Variants in RYK observed in about 807,000 individuals in gnomAD.
RYK encodes inactive tyrosine-protein kinase RYK.
RYK carries 21 observed loss-of-function variants against 70.2 expected under a neutral mutation model. The ratio of observed to expected loss-of-function variants is 0.30; its 90% CI spans 0.21 to 0.43. RYK has a LOEUF of 0.43. Ranked by LOEUF, RYK falls within the 20% of genes least tolerant of loss-of-function variation. The pLI is 1.00. For synonymous variants in RYK, 267 were observed against 278.0 expected, an observed-to-expected ratio of 0.96 and a Z score of 0.39; for missense variants, 604 against 753.3, an observed-to-expected ratio of 0.80 and a Z score of 2.32.
intron 8 of RYK, among the ~76,000 whole-genome samples, chr3:134,190,966 C>G (rs557426303): frequency 2.0e-4 from 31 of 152,230 alleles, no homozygotes; most frequent in South Asian, 8.3e-4. Context: ...TTAAGACATA[C>G]CAGAAAATCT....
chr3:134,234,041 T>C (rs1473297454), intron 1 of RYK, among the ~76,000 whole-genome samples: 1 of 152,142 alleles, frequency 6.6e-6, no homozygotes, highest in East Asian at 1.9e-4. Context: ...TGAATATAAA[T>C]AGTGGATTAT....
intron 9 of RYK, among the ~76,000 whole-genome samples, chr3:134,187,646 C>A (rs932465291): frequency 2.6e-5 from 4 of 152,038 alleles, no homozygotes; most frequent in East Asian, 3.9e-4. Flanking sequence ...CCTTGAATTC[C>A]TGGGCTCAAG....
intron 13 of RYK, among the ~76,000 whole-genome samples, chr3:134,161,421 T>C (rs1158098308): frequency 6.6e-6 from 1 of 152,168 alleles, no homozygotes; most frequent in Non-Finnish European, 1.5e-5. Flanking sequence ...CACTAGATGA[T>C]AGTAGCACAT....
intron 2 of RYK, among the ~76,000 whole-genome samples, chr3:134,221,196 CTTTTTTTTTTTTTTTTT>C (rs71139519): frequency 2.5e-5 from 2 of 78,562 alleles, no homozygotes; most frequent in Non-Finnish European, 4.6e-5. Flanking sequence ...AGTTCTTTTT[CTTTTTTTTTTTTTTTTT>C]TTTTTTTTTG....
At chr3:134,210,034 T>C (rs1560017670) in intron 3 of RYK, among the ~76,000 whole-genome samples, 2 of 152,350 alleles carry the variant, frequency 1.3e-5, no homozygotes, top group African/African-American at 4.8e-5. Context: ...TAATTCATTA[T>C]GGATATAAAA....
At chr3:134,172,509 T>C (rs1157010032) in intron 13 of RYK, among the ~76,000 whole-genome samples, 1 of 152,146 alleles carries the variant, frequency 6.6e-6, no homozygotes, top group African/African-American at 2.4e-5. Flanking sequence ...CCAAAAACAT[T>C]ATCAAAGAGT....
At position 134,250,537 on chromosome 3, in the gene RYK, G is replaced by C. The variant is rs775525703; in HGVS notation, c.118C>G (p.Pro40Ala). 72 of 1,167,194 alleles carry C rather than the reference G, an allele frequency of 6.2e-5. No individual in the cohort carries two copies. In the South Asian group the frequency reaches 2.4e-3, roughly 39 times the overall value. The allele number at this position is 1,167,194 out of a possible 1,614,324, so 72.3% of individuals were successfully genotyped here. A position where few individuals can be genotyped will look rare whatever the true frequency, so the allele number is the denominator to read the frequency against. ...LLLLALLPLL[P>A]APGAAAAPAP... ...GGGGCGGCGGCAGCGCCAGGCGCGG[G>C]CAGCAGCGGCAACAGCGCAAGCAGA... is the stretch of plus-strand genomic sequence containing the variant. Residue 40 changes from proline to alanine, a missense_variant, in exon 1 of 15, where the codon CCC (proline) becomes GCC (alanine). Pro to Ala is a conservative substitution (Grantham distance 27, BLOSUM62 -1). Around this residue, in one of 2 missense-constraint regions of RYK, gnomAD observed 466 missense variants for 535.9 expected, o/e 0.87. Transcript: ENST00000623711.
intron 5 of RYK, among the ~76,000 whole-genome samples, chr3:134,205,006 G>T (rs1414598059): frequency 1.3e-5 from 2 of 152,094 alleles, no homozygotes; most frequent in South Asian, 2.1e-4. Context: ...AGAAGTAAGT[G>T]GATTTGGGAA....
intron 9 of RYK, among the ~76,000 whole-genome samples, chr3:134,184,718 T>C (rs79075059): frequency 0.019 from 2,940 of 152,060 alleles, 220 homozygotes; most frequent in Admixed American, 0.13. Context: ...TGAGCCATGA[T>C]TGCACCACTG....
rs905308291 is a variant in RYK, at chr3:134,196,631, C to G, written c.789-1449G>C. 7.1e-5 allele frequency among the ~76,000 whole-genome samples: 10 copies of G among 140,958 alleles called. No individual in the cohort carries two copies. In the East Asian group the frequency reaches 2.3e-3, roughly 32 times the overall value. 92.5% of individuals were successfully genotyped at this position (140,958 alleles called of 152,430 possible). On this transcript the variant is annotated intron_variant, in intron 6 of 14. Coordinates refer to ENST00000623711, the MANE Select transcript of RYK (RefSeq NM_002958.4). ...CACACACACACACACACACACACGG[C>G]TGCTATGTAATCTATAACATTTATA...
At chr3:134,199,741 A>G (rs1263998281) in intron 6 of RYK, among the ~76,000 whole-genome samples, 1 of 152,158 alleles carries the variant, frequency 6.6e-6, no homozygotes, top group East Asian at 1.9e-4. Flanking sequence ...TAGGACAGGA[A>G]AGGGCAGAAG....
At chr3:134,201,170 A>C (rs974022634) in intron 6 of RYK, among the ~76,000 whole-genome samples, 1 of 152,214 alleles carries the variant, frequency 6.6e-6, no homozygotes, top group Non-Finnish European at 1.5e-5. Context: ...TCCCCTGTAA[A>C]ATCTAAACCT....
chr3:134,250,768 A>C lies in RYK; in HGVS notation c.-114T>G, dbSNP rs1413599359. 1 of 365,272 alleles carries C rather than the reference A, an allele frequency of 2.7e-6. No homozygotes were observed. Among genetic ancestry groups the C allele is most frequent in the East Asian group, 1.7e-4 (1 of 5,984 alleles). 22.6% of individuals were successfully genotyped at this position (365,272 alleles called of 1,614,324 possible). A position where few individuals can be genotyped will look rare whatever the true frequency, so the allele number is the denominator to read the frequency against. ...CGGGGGCGGCTGCCCAGCTCATCGC[A>C]CCGCCGGCCCGTGGCAGCCAGCAGT... On this transcript the variant is annotated 5_prime_UTR_variant, in exon 1 of 15. Transcript: ENST00000623711.
chr3:134,244,419 G>A (rs2015400513), intron 1 of RYK, among the ~76,000 whole-genome samples: 1 of 152,126 alleles, frequency 6.6e-6, no homozygotes, highest in African/African-American at 2.4e-5. Flanking sequence ...TTGGTTAATT[G>A]CACTCCTCCA....
At chr3:134,186,889 T>TAAA (rs66714746) in intron 9 of RYK, among the ~76,000 whole-genome samples, 1 of 149,192 alleles carries the variant, frequency 6.7e-6, no homozygotes, top group East Asian at 1.9e-4. Flanking sequence ...GGAGTTTCCT[T>TAAA]AAAAAAAAAA....
chr3:134,247,356 A>C (rs1431666426), intron 1 of RYK, among the ~76,000 whole-genome samples: 1 of 152,220 alleles, frequency 6.6e-6, no homozygotes, highest in Non-Finnish European at 1.5e-5. Flanking sequence ...CTACCCCTGG[A>C]AAGTAGAGCC....
chr3:134,233,338 T>C (rs1191530904), intron 1 of RYK, among the ~76,000 whole-genome samples: 1 of 152,196 alleles, frequency 6.6e-6, no homozygotes, highest in African/African-American at 2.4e-5. Context: ...ATACATTTGA[T>C]GTTATAACAG....
At chr3:134,247,300 T>TA (rs987498748) in intron 1 of RYK, among the ~76,000 whole-genome samples, 20 of 151,742 alleles carry the variant, frequency 1.3e-4, no homozygotes, top group African/African-American at 4.6e-4. Context: ...ATGACGAAAG[T>TA]AAAAAAAGAG....
intron 3 of RYK, among the ~76,000 whole-genome samples, chr3:134,210,194 C>T (rs1431256634): frequency 1.3e-5 from 2 of 152,122 alleles, no homozygotes; most frequent in African/African-American, 2.4e-5. Context: ...TTAACAGACA[C>T]ATCAGCAATA....
Sources: allele counts gnomAD v4.1 joint callset (sites outside exome capture counted in the v4.1 genomes callset), GRCh38; gene constraint gnomAD v4.1.1; regional missense constraint gnomAD v4.1.1; transcripts MANE v1.5; gene names NCBI Gene and HGNC (gene_info 2026-07-23, HGNC 2026-07-21).